Variants in GRB14 observed in about 807,000 individuals in gnomAD.
GRB14 encodes the protein growth factor receptor bound protein 14, also known as growth factor receptor-bound protein 14.
A neutral mutation model predicts 69.1 loss-of-function variants in GRB14; 38 were observed. That is an observed-to-expected ratio of 0.55 (90% confidence interval 0.42 to 0.72). The LOEUF is 0.72. Among genes scored for constraint, GRB14 ranks in the 30% least tolerant of loss-of-function variants. GRB14 has a pLI of 0.00. For missense variants in GRB14, 666 were observed against 666.1 expected (o/e 1.00, Z 0.00); for synonymous variants, 247 against 241.3 (o/e 1.02, Z -0.22).
chr2:164,611,249 A>G (rs1690161013), intron 2 of GRB14, among the ~76,000 whole-genome samples: 1 of 152,174 alleles, frequency 6.6e-6, no homozygotes, highest in African/African-American at 2.4e-5. Context: ...CCTTTCTGAA[A>G]GTTCCCTATA....
chr2:164,576,119 T>C (rs1428350136), intron 2 of GRB14, among the ~76,000 whole-genome samples: 2 of 150,048 alleles, frequency 1.3e-5, no homozygotes, highest in Non-Finnish European at 3.0e-5. Context: ...AACACTATAA[T>C]GCTAAATGGT....
intron 2 of GRB14, among the ~76,000 whole-genome samples, chr2:164,609,881 C>G (rs1690126808): frequency 6.6e-6 from 1 of 152,180 alleles, no homozygotes; most frequent in African/African-American, 2.4e-5. Context: ...TATTTCAACA[C>G]TGGTCAAAAT....
chr2:164,529,519 C>T (rs1574275732), intron 3 of GRB14, among the ~76,000 whole-genome samples: 1 of 152,106 alleles, frequency 6.6e-6, no homozygotes, highest in Non-Finnish European at 1.5e-5. Flanking sequence ...GTCATTTTTA[C>T]CACATTCCGT....
intron 9 of GRB14, among the ~76,000 whole-genome samples, chr2:164,500,442 A>G (rs1687020019): frequency 6.6e-6 from 1 of 152,140 alleles, no homozygotes; most frequent in Admixed American, 6.6e-5. Flanking sequence ...AATATATACT[A>G]AAAACTTATA....
intron 2 of GRB14, among the ~76,000 whole-genome samples, chr2:164,578,443 G>A (rs1689306784): frequency 6.7e-6 from 1 of 148,578 alleles, no homozygotes; most frequent in South Asian, 2.1e-4. Context: ...AATACAGAAA[G>A]CATTCTTTAA....
intron 2 of GRB14, among the ~76,000 whole-genome samples, chr2:164,595,083 A>G (rs1689752450): frequency 6.6e-6 from 1 of 152,246 alleles, no homozygotes; most frequent in Non-Finnish European, 1.5e-5. Flanking sequence ...TAGAGGGAAG[A>G]AAACATGTGT....
chr2:164,558,262 C>T (rs1688730712), intron 2 of GRB14, among the ~76,000 whole-genome samples: 2 of 152,108 alleles, frequency 1.3e-5, no homozygotes, highest in South Asian at 2.1e-4. Context: ...AGAAGGACTC[C>T]AACTCAAGTG....
rs138078116 is a variant in GRB14, at chr2:164,497,086, C to T, written c.1304G>A (p.Arg435Gln). 40 of 1,613,288 alleles carry T rather than the reference C, an allele frequency of 2.5e-5. No individual in the cohort carries two copies. The highest frequency in any genetic ancestry group is 8.9e-5 in the East Asian group (4 of 44,844). Residue 435 changes from arginine (R) to glutamine (Q), a missense_variant, in exon 12 of 14, where the codon CGG becomes CAG. By Grantham distance (43) the Arg-to-Gln change is conservative. Coordinates refer to ENST00000263915, the MANE Select transcript of GRB14 (RefSeq NM_004490.3). ...QSSATNMAIH[R>Q]SQPWFHHKIS... ...TTTGTGGTGAAACCATGGCTGGGAC[C>T]GGTGGATAGCTAAAGAAATAGGATG...
chr2:164,516,311 G>A (rs1210308865), intron 6 of GRB14, among the ~76,000 whole-genome samples: 3 of 151,908 alleles, frequency 2.0e-5, no homozygotes, highest in Admixed American at 6.6e-5. Flanking sequence ...AGAGCTATGA[G>A]GCATAAGCAT....
In GRB14 at chr2:164,506,293, A is replaced by C. The variant is rs981415850; in HGVS notation, c.1023+2162T>G. Among the ~76,000 whole-genome samples, 6 of 152,224 alleles carry C rather than the reference A, an allele frequency of 3.9e-5. No individual in the cohort carries two copies. In the South Asian group the frequency reaches 1.2e-3, roughly 32 times the overall value. On this transcript the variant is annotated intron_variant, in intron 8 of 13. Transcript: ENST00000263915. ...TGAAAAACAAGCAAACCTCTCATAA[A>C]GAAGTAAACATGGTGGCTATCTGCC... is the stretch of plus-strand genomic sequence containing the variant.
intron 6 of GRB14, among the ~76,000 whole-genome samples, chr2:164,512,759 G>A (rs2105271743): frequency 6.6e-6 from 1 of 152,296 alleles, no homozygotes; most frequent in South Asian, 2.1e-4. Context: ...AGAGCAGTTG[G>A]GGGAAAATAT....
chr2:164,608,400 GA>G (rs1297426931), intron 2 of GRB14, among the ~76,000 whole-genome samples: 5 of 150,766 alleles, frequency 3.3e-5, no homozygotes, highest in East Asian at 1.9e-4. Flanking sequence ...TAAATTTTGA[GA>G]AAAAAAAATT....
At position 164,604,621 on chromosome 2, in the gene GRB14, T is replaced by C. The variant is rs562783893; in HGVS notation, c.324+15066A>G. On this transcript the variant is annotated intron_variant, in intron 2 of 13. Transcript: ENST00000263915. ...GACACAAAGCAGAAGCAATCATGTATGAACAATCTCTTCTTTCTTAAAAAA... is the reference window on the plus strand; with the variant it reads ...GACACAAAGCAGAAGCAATCATGTACGAACAATCTCTTCTTTCTTAAAAAA... 4.6e-5 allele frequency among the ~76,000 whole-genome samples: 7 copies of C among 152,040 alleles called. No individual in the cohort carries two copies. The South Asian group carries it at 1.2e-3, about 27-fold the overall frequency.
At chr2:164,557,089 T>C (rs1379842759) in intron 2 of GRB14, among the ~76,000 whole-genome samples, 1 of 152,174 alleles carries the variant, frequency 6.6e-6, no homozygotes, top group Non-Finnish European at 1.5e-5. Flanking sequence ...AGCCATTTCA[T>C]ATCTGGGATT....
rs780357659 is a variant in GRB14 at position 164,525,069 on chromosome 2, G to GA, written c.612dup (p.Pro205SerfsTer10). 6.4e-6 allele frequency: 10 copies of GA among 1,574,644 alleles called. No homozygotes were observed. Among genetic ancestry groups the GA allele is most frequent in the South Asian group, 2.3e-5 (2 of 87,422 alleles). ...GTTGCAAAAGATACCATATGCTCTG[G>GA]AAAAAAATACTGTCAAAAAGACACA... On this transcript the variant is annotated frameshift_variant, in exon 5 of 14. Transcript: ENST00000263915. LOFTEE classifies it high-confidence loss of function.
intron 12 of GRB14, among the ~76,000 whole-genome samples, chr2:164,494,917 T>C (rs1686852644): frequency 6.6e-6 from 1 of 151,894 alleles, no homozygotes. Context: ...TTCTGGGTCA[T>C]GTTAAGTTTT....
At chr2:164,589,895 A>T (rs546262334) in intron 2 of GRB14, among the ~76,000 whole-genome samples, 1 of 152,266 alleles carries the variant, frequency 6.6e-6, no homozygotes, top group East Asian at 1.9e-4. Context: ...GGGTGCCAGC[A>T]TTGTCGAGTT....
intron 2 of GRB14, among the ~76,000 whole-genome samples, chr2:164,553,320 G>C (rs1003149328): frequency 1.3e-5 from 2 of 152,140 alleles, no homozygotes; most frequent in Non-Finnish European, 2.9e-5. Flanking sequence ...TTAGACATAA[G>C]TTGACAAGAA....
Position 164,497,062 on chromosome 2 carries a change from T to C in GRB14, c.1328A>G (p.Lys443Arg), listed in dbSNP as rs746801771. The change falls in exon 12 of 14, where the codon AAA becomes AGA. Residue 443 changes from lysine to arginine, a missense_variant. Coordinates refer to ENST00000263915, the MANE Select transcript of GRB14 (RefSeq NM_004490.3). ...IHRSQPWFHH[K>R]ISRDEAQRLI... is the part of the protein sequence containing the mutation. ...TCGCTGAGCCTCATCTCTAGAAATTTTGTGGTGAAACCATGGCTGGGACCG... is the reference window on the plus strand; with the variant it reads ...TCGCTGAGCCTCATCTCTAGAAATTCTGTGGTGAAACCATGGCTGGGACCG... 1 of 1,613,942 alleles carries C rather than the reference T, an allele frequency of 6.2e-7. No homozygotes were observed.
Sources: allele counts gnomAD v4.1 joint callset (sites outside exome capture counted in the v4.1 genomes callset), GRCh38; gene constraint gnomAD v4.1.1; transcripts MANE v1.5; gene names NCBI Gene and HGNC (gene_info 2026-07-23, HGNC 2026-07-21).